Variants in CA5A observed in about 807,000 individuals in gnomAD.
CA5A encodes carbonic anhydrase 5A, mitochondrial.
CA5A carries 28 observed loss-of-function variants against 37.1 expected under a neutral mutation model. The ratio of observed to expected loss-of-function variants is 0.75; its 90% CI spans 0.56 to 1.03. CA5A has a LOEUF of 1.03. Among genes scored for constraint, CA5A ranks in the 50% least tolerant of loss-of-function variants. The pLI is 0.00. For missense variants in CA5A, 444 were observed against 399.9 expected, an observed-to-expected ratio of 1.11 and a Z score of -0.94; for synonymous variants, 171 against 158.4, an observed-to-expected ratio of 1.08 and a Z score of -0.60.
At chr16:87,893,039 C>A (rs1032016893) in intron 5 of CA5A, 2 of 1,223,936 alleles carry the variant, frequency 1.6e-6, no homozygotes, top group African/African-American at 1.5e-5. Context: ...ATGTGCCCAA[C>A]CTTCATGTCA....
intron 3 of CA5A, among the ~76,000 whole-genome samples, chr16:87,902,839 G>C (rs1395011371): frequency 2.0e-5 from 3 of 151,768 alleles, no homozygotes; most frequent in African/African-American, 7.3e-5. Flanking sequence ...GTGAACCCAG[G>C]AGGTAGAGCT....
chr16:87,926,411 G>A (rs926915897), intron 2 of CA5A, among the ~76,000 whole-genome samples: 8 of 152,152 alleles, frequency 5.3e-5, no homozygotes, highest in East Asian at 1.9e-4. Context: ...CTCTTCCGAC[G>A]CGCAAAGTGT....
At chr16:87,931,779 C>T (rs182300663) in intron 1 of CA5A, among the ~76,000 whole-genome samples, 3 of 152,336 alleles carry the variant, frequency 2.0e-5, no homozygotes, top group Non-Finnish European at 2.9e-5. Context: ...GTGGGCCCTG[C>T]GGCATCCTGC....
intron 2 of CA5A, among the ~76,000 whole-genome samples, chr16:87,919,006 G>A (rs1213265702): frequency 6.6e-6 from 1 of 152,208 alleles, no homozygotes; most frequent in African/African-American, 2.4e-5. Flanking sequence ...CGCGTGGACG[G>A]GAGCCAAAGG....
At chr16:87,928,926 C>G (rs1188362448) in intron 1 of CA5A, among the ~76,000 whole-genome samples, 1 of 150,898 alleles carries the variant, frequency 6.6e-6, no homozygotes, top group African/African-American at 2.4e-5. Flanking sequence ...CGCCGCCACA[C>G]CTGGCTACTT....
At chr16:87,908,391 A>G (rs189499349) in intron 2 of CA5A, among the ~76,000 whole-genome samples, 2 of 152,316 alleles carry the variant, frequency 1.3e-5, no homozygotes, top group East Asian at 3.9e-4. Flanking sequence ...GTGATTGCGC[A>G]TCGCACACCC....
intron 2 of CA5A, among the ~76,000 whole-genome samples, chr16:87,905,731 T>C (rs1159489184): frequency 6.6e-6 from 1 of 152,262 alleles, no homozygotes; most frequent in Non-Finnish European, 1.5e-5. Flanking sequence ...CTGCTTAATC[T>C]AGGCCCACCA....
chr16:87,917,311 A>G (rs566928642), intron 2 of CA5A, among the ~76,000 whole-genome samples: 1 of 152,250 alleles, frequency 6.6e-6, no homozygotes, highest in African/African-American at 2.4e-5. Context: ...TAATTAGTGC[A>G]GGGCTGGGCC....
intron 2 of CA5A, among the ~76,000 whole-genome samples, chr16:87,912,756 G>A (rs2056069970): frequency 6.6e-6 from 1 of 152,244 alleles, no homozygotes. Flanking sequence ...CGTTTCAGTG[G>A]AGCCCTGAAG....
At chr16:87,892,506 T>C (rs1376749686) in intron 5 of CA5A, among the ~76,000 whole-genome samples, 2 of 117,836 alleles carry the variant, frequency 1.7e-5, no homozygotes, top group African/African-American at 3.2e-5. Flanking sequence ...TGAGACTCTG[T>C]CTCAAATAAT....
intron 1 of CA5A, 125 bp downstream of exon 1, chr16:87,936,184 A>C (rs1391019541): frequency 1.8e-5 from 12 of 650,620 alleles, no homozygotes; most frequent in Admixed American, 5.6e-5. Context: ...AAAAAAAAAA[A>C]AAAAAACGGA....
chr16:87,918,578 C>G (rs1251365889), intron 2 of CA5A, among the ~76,000 whole-genome samples: 1 of 152,190 alleles, frequency 6.6e-6, no homozygotes, highest in Non-Finnish European at 1.5e-5. Flanking sequence ...TTGGCCTGTC[C>G]GTTTGTTTCG....
At chr16:87,924,249 A>C (rs1435097386) in intron 2 of CA5A, 1 of 985,326 alleles carries the variant, frequency 1.0e-6, no homozygotes, top group Non-Finnish European at 1.2e-6. Flanking sequence ...CAAGCCCCAC[A>C]CGGGAAGCAT....
At chr16:87,931,160 G>A in intron 1 of CA5A, among the ~76,000 whole-genome samples, 1 of 149,822 alleles carries the variant, frequency 6.7e-6, no homozygotes, top group South Asian at 2.1e-4. Flanking sequence ...TGCCAGGGCT[G>A]GAGTGCAGTG....
intron 2 of CA5A, among the ~76,000 whole-genome samples, chr16:87,917,754 T>A (rs528204662): frequency 7.0e-4 from 68 of 97,602 alleles, no homozygotes; most frequent in African/African-American, 5.5e-3. Flanking sequence ...TGCACACATG[T>A]ATACACAGTG....
At chr16:87,925,599 A>G (rs1453452046) in intron 2 of CA5A, 1 of 152,230 alleles carries the variant, frequency 6.6e-6, no homozygotes, top group Non-Finnish European at 1.5e-5. Flanking sequence ...TGCTGGGAAA[A>G]CACCAGGTAG....
chr16:87,915,526 ATTTTTT>A lies in CA5A; in HGVS notation c.341-10628_341-10623del, dbSNP rs59358304. On this transcript the variant is annotated intron_variant, in intron 2 of 6. Coordinates refer to ENST00000649794, the MANE Select transcript of CA5A (RefSeq NM_001739.2). ...CAACAGTACCAGATCCTGTGTCAAAATTTTTTTTTTTTTTTTTTTTTTTTTTGTGGC... is the reference window on the plus strand; with the variant it reads ...CAACAGTACCAGATCCTGTGTCAAAATTTTTTTTTTTTTTTTTTTTGTGGC... Among the ~76,000 whole-genome samples, 574 of 73,028 alleles carry A rather than the reference ATTTTTT, an allele frequency of 7.9e-3. 6 individuals carry two copies. Among genetic ancestry groups the A allele is most frequent in the African/African-American group, 0.029 (552 of 19,126 alleles). 47.9% of individuals were successfully genotyped at this position (73,028 alleles called of 152,430 possible). A position where few individuals can be genotyped will look rare whatever the true frequency, so the allele number is the denominator to read the frequency against.
chr16:87,936,159 G>A (rs1388704691), intron 1 of CA5A, 150 bp downstream of exon 1: 69 of 577,956 alleles, frequency 1.2e-4, no homozygotes, highest in African/African-American at 2.2e-4. Context: ...GCCACAGAGC[G>A]AGACGCCATC....
intron 5 of CA5A, among the ~76,000 whole-genome samples, 161 bp downstream of exon 5, chr16:87,901,751 C>A (rs1227774147): frequency 1.3e-5 from 2 of 152,026 alleles, no homozygotes; most frequent in African/African-American, 4.8e-5. Flanking sequence ...CCGCACCCAG[C>A]TAGTTTTGTA....
Sources: allele counts gnomAD v4.1 joint callset (sites outside exome capture counted in the v4.1 genomes callset), GRCh38; gene constraint gnomAD v4.1.1; transcripts MANE v1.5; gene names NCBI Gene and HGNC (gene_info 2026-07-23, HGNC 2026-07-21).